SLC1A7: variants seen among roughly 807,000 people sequenced by gnomAD.
SLC1A7 encodes excitatory amino acid transporter 5.
SLC1A7 carries 40 observed loss-of-function variants against 47.7 expected under a neutral mutation model. That is an observed-to-expected ratio of 0.84 (90% CI 0.65 to 1.09). The LOEUF is 1.09. Ranked by LOEUF, SLC1A7 falls within the 50% of genes least tolerant of loss-of-function variation. SLC1A7 has a pLI of 0.00. For missense variants in SLC1A7, 746 were observed against 769.5 expected (o/e 0.97, Z 0.36); for synonymous variants, 323 against 325.6 (o/e 0.99, Z 0.09).
At chr1:53,091,072 G>C (rs1346593741) in intron 7 of SLC1A7, 4 of 954,842 alleles carry the variant, frequency 4.2e-6, no homozygotes, top group African/African-American at 3.3e-5. Context: ...GCTGTGCCGA[G>C]GGATATGGAG....
At chr1:53,113,699 C>A (rs532374029) in intron 3 of SLC1A7, among the ~76,000 whole-genome samples, 10 of 152,100 alleles carry the variant, frequency 6.6e-5, no homozygotes, top group Non-Finnish European at 1.5e-4. Context: ...TGGATCATGC[C>A]GCTTCTCTGT....
intron 2 of SLC1A7, among the ~76,000 whole-genome samples, chr1:53,123,804 G>A (rs892657655): frequency 1.3e-5 from 2 of 152,244 alleles, no homozygotes; most frequent in Non-Finnish European, 2.9e-5. Flanking sequence ...AGCGGGCCAC[G>A]TTTCCCCTCT....
intron 4 of SLC1A7, 139 bp from the exon 5 acceptor site, chr1:53,103,707 G>A: frequency 1.8e-6 from 1 of 565,934 alleles, no homozygotes; most frequent in Non-Finnish European, 3.1e-6. Flanking sequence ...TGTGAGGCAG[G>A]CAGAGCAGGG....
At chr1:53,093,660 G>T in intron 5 of SLC1A7, 100 bp from the exon 6 acceptor site, 1 of 831,752 alleles carries the variant, frequency 1.2e-6, no homozygotes, top group Non-Finnish European at 1.9e-6. Flanking sequence ...TGATGCTCCA[G>T]CACTCCCCCC....
intron 2 of SLC1A7, among the ~76,000 whole-genome samples, chr1:53,118,821 AG>A (rs1172187544): frequency 1.3e-5 from 2 of 152,142 alleles, no homozygotes; most frequent in African/African-American, 4.8e-5. Flanking sequence ...AACACGGTGA[AG>A]CCCCATCTCT....
intron 3 of SLC1A7, among the ~76,000 whole-genome samples, chr1:53,112,652 G>T (rs1183749715): frequency 1.3e-5 from 2 of 152,174 alleles, no homozygotes; most frequent in East Asian, 3.9e-4. Flanking sequence ...TGTAGGGGCT[G>T]GTGCCTGACT....
chr1:53,094,157 T>C (rs1456159846), intron 5 of SLC1A7, among the ~76,000 whole-genome samples: 2 of 152,242 alleles, frequency 1.3e-5, no homozygotes, highest in Non-Finnish European at 2.9e-5. Context: ...CTGGGTTTTT[T>C]CCCGTCTCCT....
intron 2 of SLC1A7, among the ~76,000 whole-genome samples, chr1:53,132,698 T>A (rs553357642): frequency 2.1e-3 from 310 of 150,946 alleles, no homozygotes; most frequent in Non-Finnish European, 3.7e-3. Context: ...ATACAAAAAA[T>A]AATTAGGTGT....
At chr1:53,108,243 T>C (rs1644665519) in intron 3 of SLC1A7, 1 of 271,550 alleles carries the variant, frequency 3.7e-6, no homozygotes, top group Non-Finnish European at 7.0e-6. Context: ...TCCCACTCAC[T>C]CTTGTCCTCG....
At position 53,093,459 on chromosome 1, in the gene SLC1A7, A is replaced by G; in HGVS notation, c.797+2T>C. ...GTGAGGTGGGTAAATGAGGAGGCTT[A>G]CCACACAGCCACCGCCACGATCTTC... On this transcript the variant is annotated splice_donor_variant, in intron 6 of 10. Transcript: ENST00000371494. LOFTEE classifies it high-confidence loss of function. 6.2e-7 allele frequency: 1 copy of G among 1,605,948 alleles called. No homozygotes were observed. Among genetic ancestry groups the G allele is most frequent in the Non-Finnish European group, 8.5e-7 (1 of 1,177,394 alleles).
chr1:53,130,711 CT>C (rs1455011004), intron 2 of SLC1A7, among the ~76,000 whole-genome samples: 6 of 152,270 alleles, frequency 3.9e-5, no homozygotes, highest in Non-Finnish European at 8.8e-5. Flanking sequence ...TGCTTGGACC[CT>C]TTGGGGTTCT....
rs758826097 is a variant in SLC1A7 at position 53,134,437 on chromosome 1, C to T, written c.136-8G>A. On this transcript the variant is annotated splice_polypyrimidine_tract_variant and splice_region_variant and intron_variant, in intron 1 of 10. Transcript: ENST00000371494. ...CTGGAAGTAACTAATTTCCTGAAAA[C>T]ACAGTAAGAACTGGGGTTATAGCAA... 1 of 1,601,072 alleles carries T rather than the reference C, an allele frequency of 6.2e-7. No homozygotes were observed. Among genetic ancestry groups the T allele is most frequent in the East Asian group, 2.2e-5 (1 of 44,780 alleles).
intron 2 of SLC1A7, 64 bp from the exon 3 acceptor site, chr1:53,115,037 T>C: frequency 7.7e-7 from 1 of 1,297,456 alleles, no homozygotes; most frequent in Non-Finnish European, 1.1e-6. Context: ...CACTCAGCGC[T>C]CACTCAGCCC....
chr1:53,097,419 C>T (rs74319801), intron 5 of SLC1A7, among the ~76,000 whole-genome samples: 2 of 115,092 alleles, frequency 1.7e-5, no homozygotes, highest in Non-Finnish European at 4.1e-5. Flanking sequence ...CACCTTGGTA[C>T]AATCACACAC....
chr1:53,135,204 C>G (rs972019103), intron 1 of SLC1A7, among the ~76,000 whole-genome samples: 1 of 152,158 alleles, frequency 6.6e-6, no homozygotes, highest in African/African-American at 2.4e-5. Context: ...GGCAGGTGAC[C>G]AGAGGACAGA....
chr1:53,104,065 C>A (rs1177904630), intron 4 of SLC1A7, among the ~76,000 whole-genome samples: 1 of 152,178 alleles, frequency 6.6e-6, no homozygotes, highest in African/African-American at 2.4e-5. Context: ...AGCCACGTAC[C>A]TTTCCCTCTC....
chr1:53,107,249 ACT>A (rs1644654348), intron 3 of SLC1A7, among the ~76,000 whole-genome samples: 1 of 151,798 alleles, frequency 6.6e-6, no homozygotes, highest in Non-Finnish European at 1.5e-5. Flanking sequence ...ATAGGAAATG[ACT>A]CTCTAAGAAC....
chr1:53,103,308 G>A (rs2242274), intron 5 of SLC1A7, 38 bp downstream of exon 5: 298,698 of 1,484,566 alleles, frequency 0.2, 31,055 homozygotes, highest in Middle Eastern at 0.3. Flanking sequence ...CTGGGGGCCC[G>A]GCTCCACGGC....
rs568551736 is a variant in SLC1A7, at chr1:53,091,109, G to T, written c.1032-303C>A. 12 of 694,438 alleles carry T rather than the reference G, an allele frequency of 1.7e-5. No individual in the cohort carries two copies. The East Asian group carries it at 3.3e-4, about 19-fold the overall frequency. 43.0% of individuals were successfully genotyped at this position (694,438 alleles called of 1,614,324 possible). A position where few individuals can be genotyped will look rare whatever the true frequency, so the allele number is the denominator to read the frequency against. ...TCTGAGCAGCAGGGCCCTGGGCCAG[G>T]CTGTCTGGGCTTAGATTCCAGCCTC... On this transcript the variant is annotated intron_variant, in intron 7 of 10. Transcript: ENST00000371494.
Sources: gnomAD v4.1 joint callset for allele counts (sites outside exome capture counted in the v4.1 genomes callset) on GRCh38, gnomAD v4.1.1 for gene constraint, MANE v1.5 for transcripts, NCBI Gene and HGNC (gene_info 2026-07-23, HGNC 2026-07-21) for gene names.